The following GET1 variants were observed in gnomAD, a reference collection of about 807,000 sequenced individuals.
The protein encoded by GET1 is guided entry of tail-anchored proteins factor 1.
GET1 carries 20 observed loss-of-function variants against 22.6 expected under a neutral mutation model. The ratio of observed to expected loss-of-function variants is 0.89; its 90% CI spans 0.62 to 1.29. The LOEUF is 1.29. Among genes scored for constraint, GET1 ranks in the 50% most tolerant of loss-of-function variants. The pLI is 0.00. For missense variants in GET1, 209 were observed against 219.9 expected, an observed-to-expected ratio of 0.95 and a Z score of 0.31; for synonymous variants, 92 against 83.8, an observed-to-expected ratio of 1.10 and a Z score of -0.53.
rs1258622218 is a variant in GET1, at chr21:39,383,364, C to T, written c.102+2878C>T. ...TGGCGCAATCTCAGCTCACTGCAAC[C>T]TCTGCCCCCCGAGTTCAAGAGATTC... On this transcript the variant is annotated intron_variant, in intron 1 of 4. Coordinates refer to ENST00000649170, the MANE Select transcript of GET1 (RefSeq NM_004627.6). Among the ~76,000 whole-genome samples, 14 of 151,916 alleles carry T rather than the reference C, an allele frequency of 9.2e-5. 1 individual carries two copies. The highest frequency in any genetic ancestry group is 4.4e-5 in the Non-Finnish European group (3 of 68,000).
chr21:39,399,289 T>G (rs1171932552), downstream of GET1, among the ~76,000 whole-genome samples: 1 of 152,242 alleles, frequency 6.6e-6, no homozygotes, highest in African/African-American at 2.4e-5. Context: ...TTACTGTTTT[T>G]TTTTAAAAAT....
downstream of GET1, among the ~76,000 whole-genome samples, chr21:39,401,945 G>A (rs568960341): frequency 1.3e-5 from 2 of 152,130 alleles, no homozygotes; most frequent in African/African-American, 4.8e-5. Flanking sequence ...GGCCATTCCC[G>A]TCTCTCCCCC....
At chr21:39,417,175 G>C (rs1311988106) in intron 1 of GET1, among the ~76,000 whole-genome samples, 1 of 152,142 alleles carries the variant, frequency 6.6e-6, no homozygotes, top group Non-Finnish European at 1.5e-5. Flanking sequence ...TGGGATTACA[G>C]GCGCGCACCA....
intron 2 of GET1, 145 bp from the exon 3 acceptor site, chr21:39,391,624 A>G (rs921040067): frequency 1.2e-6 from 1 of 811,896 alleles, no homozygotes; most frequent in Non-Finnish European, 1.9e-6. Context: ...TAAAAATTCT[A>G]TTTTATATTT....
chr21:39,385,064 C>T (rs762148139), intron 1 of GET1, among the ~76,000 whole-genome samples: 12 of 152,112 alleles, frequency 7.9e-5, no homozygotes, highest in African/African-American at 1.4e-4. Flanking sequence ...TGCTCCTTCA[C>T]CATCGTCAGA....
At chr21:39,403,410 T>C (rs1258688738) in intron 4 of GET1, among the ~76,000 whole-genome samples, 1 of 152,020 alleles carries the variant, frequency 6.6e-6, no homozygotes, top group Non-Finnish European at 1.5e-5. Flanking sequence ...CACTGCAAGC[T>C]CCGCCTCCCG....
At chr21:39,382,042 C>T (rs555363845) in intron 1 of GET1, among the ~76,000 whole-genome samples, 2 of 151,128 alleles carry the variant, frequency 1.3e-5, no homozygotes, top group Non-Finnish European at 2.9e-5. Flanking sequence ...CGTGGCCCCG[C>T]TCCCAGAACA....
intron 1 of GET1, among the ~76,000 whole-genome samples, chr21:39,384,564 A>AT (rs35895251): frequency 0.014 from 2,088 of 144,506 alleles, 57 homozygotes; most frequent in African/African-American, 0.05. Flanking sequence ...CTGGCCGACA[A>AT]TTTTTTTTTT....
intron 1 of GET1, among the ~76,000 whole-genome samples, chr21:39,384,749 G>A (rs10775662): frequency 0.7 from 106,012 of 151,708 alleles, 37,087 homozygotes; most frequent in East Asian, 0.77. Flanking sequence ...CTCCAAAATA[G>A]AAAAATTTGT....
chr21:39,410,316 C>T (rs760719345), downstream of GET1: 4 of 1,611,394 alleles, frequency 2.5e-6, no homozygotes, highest in African/African-American at 4.0e-5. Context: ...GTGTCTCATA[C>T]TTGTGAATGG....
At chr21:39,400,199 G>GCC (rs35118065), downstream of GET1, among the ~76,000 whole-genome samples, 2 of 151,900 alleles carry the variant, frequency 1.3e-5, no homozygotes, top group Admixed American at 6.6e-5. Context: ...CGTGCTGACA[G>GCC]CCCCCCGGAA....
chr21:39,413,923 A>G (rs1337474371), intron 1 of GET1: 2 of 152,478 alleles, frequency 1.3e-5, no homozygotes, highest in East Asian at 3.8e-4. Flanking sequence ...AACAACAACA[A>G]GAGGCTGCGA....
At chr21:39,389,800 C>T (rs1224423769) in intron 1 of GET1, among the ~76,000 whole-genome samples, 1 of 152,208 alleles carries the variant, frequency 6.6e-6, no homozygotes, top group Non-Finnish European at 1.5e-5. Context: ...GCCCCTGCCT[C>T]ACCACTGTTA....
At chr21:39,410,361 G>T, downstream of GET1, 2 of 1,577,590 alleles carry the variant, frequency 1.3e-6, no homozygotes, top group Non-Finnish European at 8.7e-7. Context: ...TGATTTTGTT[G>T]AAGAAACTAT....
Position 39,390,861 on chromosome 21 carries a change from A to G in GET1, c.266A>G (p.His89Arg), listed in dbSNP as rs560726377. 38 of 1,614,084 alleles carry G rather than the reference A, an allele frequency of 2.4e-5. No homozygotes were observed. In the South Asian group the frequency reaches 3.3e-4, roughly 14 times the overall value. Residue 89 changes from histidine (H) to arginine (R), a missense_variant and splice_region_variant, in exon 2 of 5, where the codon CAT becomes CGT. By Grantham distance (29) the His-to-Arg change is conservative (BLOSUM62 0). Transcript: ENST00000649170. Reference sequence around the variant, plus strand: ...AAGATGACGGATAAGCTCAAAACCCATGGTACTGTGTCCCTTGCAGCCTGG... The same window carrying G: ...AAGATGACGGATAAGCTCAAAACCCGTGGTACTGTGTCCCTTGCAGCCTGG... ...INKMTDKLKT[H>R]VKARTAQLAK...
rs529909405 is a variant in GET1, at chr21:39,384,881, G to A, written c.102+4395G>A. On this transcript the variant is annotated intron_variant, in intron 1 of 4. Coordinates refer to ENST00000649170, the MANE Select transcript of GET1 (RefSeq NM_004627.6). ...AGCTTTCCTAAACCCATTTCCCTAT[G>A]ATTGTTAACACTTGTTGTTAGCCAG... 7.7e-4 allele frequency among the ~76,000 whole-genome samples: 117 copies of A among 152,172 alleles called. 1 individual carries two copies. The highest frequency in any genetic ancestry group is 2.6e-3 in the African/African-American group (106 of 41,516).
chr21:39,406,304 C>A, exon 5 of GET1: 1 of 1,614,200 alleles, frequency 6.2e-7, no homozygotes, highest in South Asian at 1.1e-5. Context: ...TGCAGGTTTT[C>A]AGTTGCTTCT....
rs1474313369 is a variant in GET1, at chr21:39,380,397, G to A, written c.13G>A (p.Ala5Thr). The A allele has an allele frequency of 6.2e-7, 1 of 1,608,490 alleles. No individual in the cohort carries two copies. Among genetic ancestry groups the A allele is most frequent in the South Asian group, 1.1e-5 (1 of 90,042 alleles). The change falls in exon 1 of 5, where the codon GCG becomes ACG. Residue 5 changes from alanine to threonine, a missense_variant. Ala to Thr is a moderately conservative substitution (Grantham distance 58). Transcript: ENST00000649170. ...AGGAGCGTCCGGGATGAGCTCAGCC[G>A]CGGCCGACCACTGGGCGTGGTTGCT... MSSA[A>T]ADHWAWLLVL...
At chr21:39,382,966 T>G (rs575337130) in intron 1 of GET1, among the ~76,000 whole-genome samples, 4 of 152,096 alleles carry the variant, frequency 2.6e-5, no homozygotes, top group Non-Finnish European at 5.9e-5. Flanking sequence ...ATTTTTATTT[T>G]TTGAGATGGA....
Sources: gnomAD v4.1 joint callset for allele counts (sites outside exome capture counted in the v4.1 genomes callset) on GRCh38, gnomAD v4.1.1 for gene constraint, MANE v1.5 for transcripts, NCBI Gene and HGNC (gene_info 2026-07-23, HGNC 2026-07-21) for gene names.